DDA1: variants seen among roughly 807,000 people sequenced by gnomAD.
The protein encoded by DDA1 is DET1- and DDB1-associated protein 1.
In DDA1, 3 loss-of-function variants were observed where a neutral mutation model predicts 18.6. The observed-to-expected ratio is 0.16, with a 90% CI of 0.07 to 0.42. The LOEUF (loss-of-function observed/expected upper bound fraction) is 0.42, where lower values mean the gene tolerates loss of function less well. Ranked by LOEUF, DDA1 falls within the 10% of genes least tolerant of loss-of-function variation. DDA1 has a pLI of 0.99. For synonymous variants in DDA1, 52 were observed against 54.0 expected (o/e 0.96, Z 0.17); for missense variants, 105 against 138.2 (o/e 0.76, Z 1.20).
chr19:17,311,372 G>T (rs2074178182), intron 1 of DDA1, among the ~76,000 whole-genome samples: 1 of 152,032 alleles, frequency 6.6e-6, no homozygotes. Flanking sequence ...GGCCAGGCTG[G>T]TCTTGAACTC....
At chr19:17,316,067 G>C in intron 4 of DDA1, 72 bp downstream of exon 4, 1 of 1,523,598 alleles carries the variant, frequency 6.6e-7, no homozygotes, top group Non-Finnish European at 9.1e-7. Context: ...GGGCTTCTGA[G>C]CACAGGAAGG....
intron 1 of DDA1, among the ~76,000 whole-genome samples, chr19:17,311,489 C>T (rs2074178834): frequency 6.6e-6 from 1 of 152,124 alleles, no homozygotes; most frequent in Non-Finnish European, 1.5e-5. Context: ...TCAAATGATA[C>T]CACTTTCTAG....
intron 3 of DDA1, among the ~76,000 whole-genome samples, chr19:17,315,253 A>G (rs1315003954): frequency 1.3e-5 from 1 of 78,560 alleles, no homozygotes; most frequent in South Asian, 3.3e-4. Context: ...ATATACACAC[A>G]CGTGTATATA....
intron 4 of DDA1, among the ~76,000 whole-genome samples, chr19:17,316,314 A>C (rs1188236246): frequency 6.6e-6 from 1 of 152,180 alleles, no homozygotes; most frequent in African/African-American, 2.4e-5. Context: ...GAGTGTGGTG[A>C]CGCATGCCTG....
Position 17,322,829 on chromosome 19 carries a change from C to G in DDA1, c.*3173C>G, listed in dbSNP as rs1163524239. Reference sequence around the variant, plus strand: ...CCTTCTGATGTTCATGCCACAAGCTCTTCCCACTGTCTCTGGCTCCCCAGA... The same window carrying G: ...CCTTCTGATGTTCATGCCACAAGCTGTTCCCACTGTCTCTGGCTCCCCAGA... On this transcript the variant is annotated 3_prime_UTR_variant, in exon 5 of 5. Transcript: ENST00000359866. 6.6e-6 allele frequency: 1 copy of G among 152,292 alleles called. No individual in the cohort carries two copies. The highest frequency in any genetic ancestry group is 6.5e-5 in the Admixed American group (1 of 15,284). 9.4% of individuals were successfully genotyped at this position (152,292 alleles called of 1,614,324 possible). A position where few individuals can be genotyped will look rare whatever the true frequency, so the allele number is the denominator to read the frequency against.
In DDA1 at chr19:17,320,045, G is replaced by A. The variant is rs185459237; in HGVS notation, c.*389G>A. On this transcript the variant is annotated 3_prime_UTR_variant, in exon 5 of 5. Transcript: ENST00000359866. Reference sequence around the variant, plus strand: ...GCTTTACTGTGGCCGGGCGACAGGGGCGGGCCCGGGGTGGCCTGACCTACC... The same window carrying A: ...GCTTTACTGTGGCCGGGCGACAGGGACGGGCCCGGGGTGGCCTGACCTACC... The A allele has an allele frequency of 9.7e-5, 18 of 186,352 alleles. No homozygotes were observed. In the East Asian group the frequency reaches 2.8e-3, roughly 29 times the overall value. The allele number at this position is 186,352 out of a possible 1,614,324, so 11.5% of individuals were successfully genotyped here.
Position 17,309,677 on chromosome 19 carries a change from C to A in DDA1, c.3+20C>A, listed in dbSNP as rs1290652920. 2 of 1,612,052 alleles carry A rather than the reference C, an allele frequency of 1.2e-6. No homozygotes were observed. Among genetic ancestry groups the A allele is most frequent in the African/African-American group, 1.3e-5 (1 of 74,820 alleles). The stretch of plus-strand genomic sequence containing the variant: ...AAGATGGTGAGGATGGCCTCCAGGC[C>A]CCCACTCCCCCTCTGCTAGACAAAA... On this transcript the variant is annotated intron_variant, in intron 1 of 4. Transcript: ENST00000359866.
chr19:17,319,630 A>G lies in DDA1; in HGVS notation c.283A>G (p.Ser95Gly). The change falls in exon 5 of 5, where the codon AGC becomes GGC. Residue 95 changes from serine (S) to glycine (G), a missense_variant. Transcript: ENST00000359866. ...TCCCCGCAAGGTGGCGCGGACCGAC[A>G]GCCCAGACATGCACGAGGACACTTA... is the stretch of plus-strand genomic sequence containing the variant. ...APPRKVARTD[S>G]PDMHEDT The G allele has an allele frequency of 6.3e-7, 1 of 1,575,676 alleles. No homozygotes were observed. The highest frequency in any genetic ancestry group is 8.6e-7 in the Non-Finnish European group (1 of 1,160,604).
rs1222539746 is a variant in DDA1, at chr19:17,321,597, TG to T, written c.*1944del. ...TTTTGAGAGCTGAGTCTGAGGGCGT[TG>T]GGATGGTGTAGGGTTGGGCCACAGA... On this transcript the variant is annotated 3_prime_UTR_variant, in exon 5 of 5. Coordinates refer to ENST00000359866, the MANE Select transcript of DDA1 (RefSeq NM_024050.6). 1.3e-5 allele frequency: 2 copies of T among 152,352 alleles called. No individual in the cohort carries two copies. The highest frequency in any genetic ancestry group is 2.9e-5 in the Non-Finnish European group (2 of 68,216). The allele number at this position is 152,352 out of a possible 1,614,324, so 9.4% of individuals were successfully genotyped here.
chr19:17,312,726 G>A (rs1322844049), intron 1 of DDA1, among the ~76,000 whole-genome samples: 6 of 152,192 alleles, frequency 3.9e-5, no homozygotes, highest in Admixed American at 6.5e-5. Flanking sequence ...AAGGCCAGGC[G>A]CGTGGCCATG....
chr19:17,313,337 GC>G (rs1182267211), intron 1 of DDA1, among the ~76,000 whole-genome samples: 1 of 151,636 alleles, frequency 6.6e-6, no homozygotes, highest in African/African-American at 2.4e-5. Flanking sequence ...GCTCAGGAGG[GC>G]CCCGTTCAGG....
Position 17,314,415 on chromosome 19 carries a change from C to T in DDA1, c.136+26C>T. 6.2e-7 allele frequency: 1 copy of T among 1,614,196 alleles called. No homozygotes were observed. The highest frequency in any genetic ancestry group is 8.5e-7 in the Non-Finnish European group (1 of 1,180,000). On this transcript the variant is annotated intron_variant, in intron 3 of 4. Transcript: ENST00000359866. This position sits in a 1 kb window ranked among gnomAD's most constrained non-coding sequence, Gnocchi z 4.6. ...GTAAGTGGCCGCTGTCAGTCTGTCC[C>T]ATTCTGGCTGCTGAGGGGCGGGGTT...
chr19:17,315,347 ACGCTATATATATACG>A (rs2074205855), intron 3 of DDA1, among the ~76,000 whole-genome samples: 1 of 79,282 alleles, frequency 1.3e-5, no homozygotes, highest in Non-Finnish European at 2.8e-5. Flanking sequence ...ATATATATAC[ACGCTATATATATACG>A]CTATATATAT....
chr19:17,310,735 G>A (rs2074175149), intron 1 of DDA1, among the ~76,000 whole-genome samples: 1 of 152,168 alleles, frequency 6.6e-6, no homozygotes, highest in Admixed American at 6.6e-5. Context: ...CCTGGGAGTT[G>A]TCCTTGATAC....
chr19:17,322,103 C>T lies in DDA1; in HGVS notation c.*2447C>T, dbSNP rs1026603097. On this transcript the variant is annotated 3_prime_UTR_variant, in exon 5 of 5. Transcript: ENST00000359866. ...ACTCCCGCCTTTCCCCTCGGCCTGT[C>T]TAGACCTCTCTGGCTCCCAGTTTCT... The T allele has an allele frequency of 6.5e-6, 1 of 152,764 alleles. No individual in the cohort carries two copies. Among genetic ancestry groups the T allele is most frequent in the African/African-American group, 2.4e-5 (1 of 41,460 alleles). 9.5% of individuals were successfully genotyped at this position (152,764 alleles called of 1,614,324 possible). A position where few individuals can be genotyped will look rare whatever the true frequency, so the allele number is the denominator to read the frequency against.
At chr19:17,311,145 A>G (rs970666779) in intron 1 of DDA1, among the ~76,000 whole-genome samples, 1 of 148,790 alleles carries the variant, frequency 6.7e-6, no homozygotes, top group African/African-American at 2.5e-5. Context: ...GAGGCACTGC[A>G]TGGGGCCTGA....
intron 4 of DDA1, among the ~76,000 whole-genome samples, chr19:17,316,809 C>T (rs762120921): frequency 2.6e-5 from 4 of 151,988 alleles, no homozygotes; most frequent in Middle Eastern, 3.4e-3. Flanking sequence ...ACCTGGGAGG[C>T]GGAGCTTGCA....
rs769887008 is a variant in DDA1, at chr19:17,319,577, T to C, written c.230T>C (p.Val77Ala). The C allele has an allele frequency of 6.3e-7, 1 of 1,575,982 alleles. No homozygotes were observed. The highest frequency in any genetic ancestry group is 1.3e-5 in the African/African-American group (1 of 74,116). The change falls in exon 5 of 5, where the codon GTG becomes GCG. Residue 77 changes from valine to alanine, a missense_variant. Val to Ala is a moderately conservative substitution (Grantham distance 64). Transcript: ENST00000359866. ...GCCAAGAAGAGAGACCAGGAGCAAG[T>C]GGAGCTGGAAGGCGAGAGCTCCGCA... ...NAAKKRDQEQ[V>A]ELEGESSAPP...
chr19:17,310,671 C>T lies in DDA1; in HGVS notation c.3+1014C>T, dbSNP rs118137884. Among the ~76,000 whole-genome samples the T allele has an allele frequency of 4.7e-4, 71 of 152,304 alleles. 1 individual carries two copies. The East Asian group carries it at 0.013, about 29-fold the overall frequency. On this transcript the variant is annotated intron_variant, in intron 1 of 4. Transcript: ENST00000359866. ...GGATGTGGTGGGGATGAAAGGAAGA[C>T]TCCCTTTCAGGAAGGAAATGGGAAG...
Sources: allele counts gnomAD v4.1 joint callset (sites outside exome capture counted in the v4.1 genomes callset), GRCh38; gene constraint gnomAD v4.1.1; non-coding constraint Gnocchi (gnomAD v3.1); transcripts MANE v1.5; gene names NCBI Gene and HGNC (gene_info 2026-07-23, HGNC 2026-07-21).